SLC35F4: variants seen among roughly 807,000 people sequenced by gnomAD.
SLC35F4 encodes the protein chromosome 14 open reading frame 36.
In SLC35F4, 24 loss-of-function variants were observed where a neutral mutation model predicts 44.2. The observed-to-expected ratio is 0.54, with a 90% CI of 0.39 to 0.76. SLC35F4 has a LOEUF of 0.76. Ranked by LOEUF, SLC35F4 falls within the 30% of genes least tolerant of loss-of-function variation. The pLI is 0.00. For synonymous variants in SLC35F4, 238 were observed against 223.6 expected (o/e 1.06, Z -0.57); for missense variants, 562 against 586.1 (o/e 0.96, Z 0.42).
At chr14:57,739,132 T>G (rs996784705) in intron 1 of SLC35F4, among the ~76,000 whole-genome samples, 1 of 152,146 alleles carries the variant, frequency 6.6e-6, no homozygotes, top group Non-Finnish European at 1.5e-5. Context: ...TAACTTTTGG[T>G]GTCCAAAAAC....
At chr14:57,932,850 C>A (rs1016092237) in intron 1 of SLC35F4, among the ~76,000 whole-genome samples, 3 of 151,992 alleles carry the variant, frequency 2.0e-5, no homozygotes, top group Non-Finnish European at 4.4e-5. Context: ...ATCTATAGAT[C>A]TTGATTTGAA....
At chr14:57,777,041 T>G (rs1446291154) in intron 1 of SLC35F4, among the ~76,000 whole-genome samples, 1 of 152,122 alleles carries the variant, frequency 6.6e-6, no homozygotes, top group Admixed American at 6.5e-5. Flanking sequence ...CACAAACAAG[T>G]CAGCATAATA....
chr14:57,582,164 G>C (rs1340356625), intron 3 of SLC35F4, among the ~76,000 whole-genome samples: 1 of 151,740 alleles, frequency 6.6e-6, no homozygotes, highest in Non-Finnish European at 1.5e-5. Flanking sequence ...TTTAGCCCCA[G>C]GGGCCATTTT....
intron 5 of SLC35F4, among the ~76,000 whole-genome samples, chr14:57,571,342 A>G (rs10483685): frequency 0.15 from 22,150 of 152,256 alleles, 1,704 homozygotes; most frequent in Non-Finnish European, 0.16. Context: ...TAGAGCATCC[A>G]TCAGAGAGAA....
chr14:57,651,381 G>T (rs897885752), intron 1 of SLC35F4, among the ~76,000 whole-genome samples: 1 of 152,098 alleles, frequency 6.6e-6, no homozygotes, highest in East Asian at 1.9e-4. Flanking sequence ...GGAGTGAAGT[G>T]GGTCGGTGGT....
At chr14:57,583,798 A>T (rs2069481709) in intron 3 of SLC35F4, among the ~76,000 whole-genome samples, 1 of 152,194 alleles carries the variant, frequency 6.6e-6, no homozygotes, top group African/African-American at 2.4e-5. Flanking sequence ...CATACTATTT[A>T]AGCATTAAAC....
At chr14:57,650,864 G>A (rs1402273772) in intron 1 of SLC35F4, among the ~76,000 whole-genome samples, 1 of 152,104 alleles carries the variant, frequency 6.6e-6, no homozygotes, top group African/African-American at 2.4e-5. Flanking sequence ...CAAGGCCTTA[G>A]AATGTGCTGT....
At chr14:57,874,335 A>T (rs2141028768) in intron 1 of SLC35F4, among the ~76,000 whole-genome samples, 1 of 152,350 alleles carries the variant, frequency 6.6e-6, no homozygotes, top group South Asian at 2.1e-4. Context: ...TTTGTTCACC[A>T]AGGTATGACC....
At chr14:57,931,317 T>C (rs1171053882) in intron 1 of SLC35F4, among the ~76,000 whole-genome samples, 3 of 152,226 alleles carry the variant, frequency 2.0e-5, no homozygotes, top group Non-Finnish European at 2.9e-5. Flanking sequence ...ACATCATACA[T>C]CATCAACTTT....
intron 1 of SLC35F4, among the ~76,000 whole-genome samples, chr14:57,606,545 T>C (rs1210494888): frequency 6.6e-6 from 1 of 152,236 alleles, no homozygotes; most frequent in African/African-American, 2.4e-5. Flanking sequence ...TGAACCTTTG[T>C]TTCTTTTGCT....
At chr14:57,923,396 A>G (rs1490623382) in intron 1 of SLC35F4, among the ~76,000 whole-genome samples, 1 of 152,226 alleles carries the variant, frequency 6.6e-6, no homozygotes, top group East Asian at 1.9e-4. Context: ...CCACGCACTC[A>G]GCCACCCAGG....
At chr14:57,759,447 G>A (rs1394262294) in intron 1 of SLC35F4, among the ~76,000 whole-genome samples, 1 of 152,098 alleles carries the variant, frequency 6.6e-6, no homozygotes, top group Non-Finnish European at 1.5e-5. Context: ...AGGCATAGTG[G>A]TGCATGCCTG....
At chr14:57,950,064 C>A (rs1353630603) in intron 1 of SLC35F4, among the ~76,000 whole-genome samples, 1 of 152,114 alleles carries the variant, frequency 6.6e-6, no homozygotes, top group African/African-American at 2.4e-5. Context: ...TGTATTTTAA[C>A]ATCTAGCTCT....
rs562454957 is a variant in SLC35F4 at position 57,865,998 on chromosome 14, G to T, written c.-173C>A. 2.2e-3 allele frequency: 786 copies of T among 355,862 alleles called. 5 individuals carry two copies. The highest frequency in any genetic ancestry group is 0.016 in the African/African-American group (728 of 45,918). The allele number at this position is 355,862 out of a possible 1,614,324, so 22.0% of individuals were successfully genotyped here. On this transcript the variant is annotated 5_prime_UTR_variant, in exon 1 of 8. Transcript: ENST00000556826. ...ACCGGCTCCGCATCACAGCGGCGGC[G>T]GCGGCGGCGGCGGCGGAGCGGCCCC...
intron 3 of SLC35F4, among the ~76,000 whole-genome samples, chr14:57,582,120 C>T (rs1418160900): frequency 7.2e-5 from 11 of 152,074 alleles, no homozygotes; most frequent in East Asian, 1.9e-4. Flanking sequence ...GTTAAATCTT[C>T]GGTTTGTTTG....
chr14:57,699,496 G>A (rs2075477348), intron 1 of SLC35F4, among the ~76,000 whole-genome samples: 1 of 152,114 alleles, frequency 6.6e-6, no homozygotes, highest in Admixed American at 6.5e-5. Context: ...AGGAAGTGTG[G>A]CTCATGAAAC....
intron 1 of SLC35F4, among the ~76,000 whole-genome samples, chr14:57,890,822 T>G (rs1016988720): frequency 1.3e-5 from 2 of 152,178 alleles, no homozygotes; most frequent in Non-Finnish European, 2.9e-5. Context: ...TAGATACTGT[T>G]GATTGATGTT....
At chr14:57,948,903 C>T (rs548384585) in intron 1 of SLC35F4, among the ~76,000 whole-genome samples, 4 of 152,150 alleles carry the variant, frequency 2.6e-5, no homozygotes, top group Admixed American at 6.5e-5. Flanking sequence ...AGAGAATACT[C>T]GATATGATTT....
intron 1 of SLC35F4, among the ~76,000 whole-genome samples, chr14:57,926,728 G>C (rs779635355): frequency 9.7e-4 from 34 of 35,020 alleles, no homozygotes; most frequent in African/African-American, 7.1e-3. Context: ...GTAGGGTTGG[G>C]GGGGGGGGGT....
Sources: allele counts gnomAD v4.1 joint callset (sites outside exome capture counted in the v4.1 genomes callset), GRCh38; gene constraint gnomAD v4.1.1; transcripts MANE v1.5; gene names NCBI Gene and HGNC (gene_info 2026-07-23, HGNC 2026-07-21).